LPP: variants seen among roughly 807,000 people sequenced by gnomAD.
LPP encodes the protein LIM domain containing preferred translocation partner in lipoma, also known as lipoma-preferred partner.
Under a neutral mutation model 60.4 loss-of-function variants are expected in LPP, and 38 were observed. The observed-to-expected ratio is 0.63, with a 90% CI of 0.49 to 0.83. LPP has a LOEUF of 0.83. LPP is among the 40% of genes least tolerant of loss of function. The pLI, the probability that LPP is intolerant of heterozygous loss-of-function variation, is 0.00. For synonymous variants in LPP, 328 were observed against 290.8 expected (o/e 1.13, Z -1.30); for missense variants, 902 against 783.6 (o/e 1.15, Z -1.80).
intron 5 of LPP, among the ~76,000 whole-genome samples, chr3:188,504,586 C>T (rs1353733826): frequency 6.6e-6 from 1 of 152,118 alleles, no homozygotes; most frequent in Non-Finnish European, 1.5e-5. Flanking sequence ...CCAAGGTTTA[C>T]TGTTACCGTT....
chr3:188,840,797 T>C (rs761296533), intron 9 of LPP, among the ~76,000 whole-genome samples: 1 of 152,216 alleles, frequency 6.6e-6, no homozygotes, highest in Non-Finnish European at 1.5e-5. Flanking sequence ...TTGCCCATCA[T>C]GTGAAATTAC....
intron 7 of LPP, among the ~76,000 whole-genome samples, chr3:188,677,947 A>G (rs1237230177): frequency 6.6e-6 from 1 of 152,090 alleles, no homozygotes; most frequent in African/African-American, 2.4e-5. Context: ...CTTGAAATCA[A>G]ACTGTAGCCC....
At chr3:188,715,938 A>G (rs1713791457) in intron 8 of LPP, among the ~76,000 whole-genome samples, 1 of 152,204 alleles carries the variant, frequency 6.6e-6, no homozygotes, top group Admixed American at 6.5e-5. Context: ...CTGACAGTAG[A>G]TTTTTAAGCA....
intron 1 of LPP, among the ~76,000 whole-genome samples, chr3:188,196,929 G>T (rs138115206): frequency 5.3e-5 from 8 of 152,192 alleles, no homozygotes; most frequent in African/African-American, 1.9e-4. Context: ...TACCACCTCT[G>T]CCTGGAATAC....
At chr3:188,201,934 G>A (rs1170435147) in intron 1 of LPP, among the ~76,000 whole-genome samples, 1 of 151,876 alleles carries the variant, frequency 6.6e-6, no homozygotes, top group Non-Finnish European at 1.5e-5. Flanking sequence ...TGTTGGGAGT[G>A]GAAGGATAGC....
rs183429228 is a variant in LPP at position 188,254,596 on chromosome 3, G to A, written c.-67+29069G>A. 3.3e-4 allele frequency among the ~76,000 whole-genome samples: 51 copies of A among 152,294 alleles called. 1 individual carries two copies. The South Asian group carries it at 7.9e-3, about 24-fold the overall frequency. ...AGAAATGGAATTGTTTGTTAGAGTC[G>A]TTGCATGGTGAAGGAAAAATCAGAG... On this transcript the variant is annotated intron_variant, in intron 2 of 11. Coordinates refer to ENST00000617246, the MANE Select transcript of LPP (RefSeq NM_001375462.1).
chr3:188,199,313 T>C (rs1347657907), intron 1 of LPP, among the ~76,000 whole-genome samples: 1 of 152,064 alleles, frequency 6.6e-6, no homozygotes, highest in African/African-American at 2.4e-5. Context: ...CCCAACTCGC[T>C]TAGATTCAAG....
In LPP at chr3:188,379,296, T is replaced by G. The variant is rs138672321; in HGVS notation, c.-9-26816T>G. 1.0e-3 allele frequency among the ~76,000 whole-genome samples: 153 copies of G among 152,208 alleles called. 1 individual carries two copies. Among genetic ancestry groups the G allele is most frequent in the Middle Eastern group, 6.8e-3 (2 of 294 alleles). ...GATACAAATGACATTCTGAGGGGGC[T>G]TGGTGGAAGTAGTTTAACCCTGATA... On this transcript the variant is annotated intron_variant, in intron 3 of 11. Transcript: ENST00000617246.
At chr3:188,637,309 A>G (rs753193841) in intron 7 of LPP, among the ~76,000 whole-genome samples, 1 of 152,194 alleles carries the variant, frequency 6.6e-6, no homozygotes, top group Non-Finnish European at 1.5e-5. Flanking sequence ...TGTTCTTTGA[A>G]ACCAATGAGA....
intron 6 of LPP, among the ~76,000 whole-genome samples, chr3:188,597,303 A>G (rs917314854): frequency 1.3e-5 from 2 of 152,162 alleles, no homozygotes; most frequent in Non-Finnish European, 2.9e-5. Flanking sequence ...TCTGTTAAAA[A>G]TTATTCCCCA....
At chr3:188,728,072 G>T (rs187422906) in intron 8 of LPP, among the ~76,000 whole-genome samples, 1 of 152,006 alleles carries the variant, frequency 6.6e-6, no homozygotes, top group South Asian at 2.1e-4. Context: ...AGAATCACCT[G>T]GGGGAGCTTT....
intron 1 of LPP, among the ~76,000 whole-genome samples, chr3:188,168,110 G>T (rs537160053): frequency 6.6e-6 from 1 of 152,310 alleles, no homozygotes; most frequent in East Asian, 1.9e-4. Context: ...TTATTTATTT[G>T]TGCATTCATT....
intron 4 of LPP, among the ~76,000 whole-genome samples, chr3:188,421,808 A>G (rs957780431): frequency 2.0e-5 from 3 of 152,136 alleles, no homozygotes; most frequent in African/African-American, 4.8e-5. Context: ...TGCCAACTTG[A>G]TTTTATTATA....
At chr3:188,563,716 G>GT (rs369454193) in intron 6 of LPP, among the ~76,000 whole-genome samples, 5,308 of 107,964 alleles carry the variant, frequency 0.049, 130 homozygotes, top group Middle Eastern at 0.11. Context: ...GGAATTGCTT[G>GT]TGTTTTTTTT....
At chr3:188,456,238 T>C (rs982937461) in intron 4 of LPP, among the ~76,000 whole-genome samples, 1 of 152,174 alleles carries the variant, frequency 6.6e-6, no homozygotes, top group Admixed American at 6.6e-5. Flanking sequence ...ATAAAGATTA[T>C]TGGGGGAAAC....
chr3:188,592,563 TAAATGGA>T (rs1839114057), intron 6 of LPP, among the ~76,000 whole-genome samples: 6 of 77,176 alleles, frequency 7.8e-5, no homozygotes, highest in African/African-American at 2.8e-4. Context: ...TTTTGTTTTT[TAAATGGA>T]GTCTCACTCT....
intron 4 of LPP, among the ~76,000 whole-genome samples, chr3:188,414,930 C>T (rs888334977): frequency 7.2e-5 from 11 of 152,008 alleles, no homozygotes; most frequent in African/African-American, 1.4e-4. Flanking sequence ...CTAATATACC[C>T]GAACAAAGTG....
chr3:188,802,495 T>C (rs1747571771), intron 9 of LPP, among the ~76,000 whole-genome samples: 1 of 152,122 alleles, frequency 6.6e-6, no homozygotes, highest in South Asian at 2.1e-4. Flanking sequence ...AAATAATAGC[T>C]TTAATGGCTG....
rs1027648685 is a variant in LPP at position 188,763,566 on chromosome 3, AG to A, written c.1410+3285del. Reference sequence around the variant, plus strand: ...TAGTTATGATTAAACAGTTTGATTCAGTATAGCATTGTAATTCTCTTTAATC... The same window carrying A: ...TAGTTATGATTAAACAGTTTGATTCATATAGCATTGTAATTCTCTTTAATC... On this transcript the variant is annotated intron_variant, in intron 9 of 11. Transcript: ENST00000617246. Among the ~76,000 whole-genome samples, 8 of 152,130 alleles carry A rather than the reference AG, an allele frequency of 5.3e-5. No homozygotes were observed. In the South Asian group the frequency reaches 1.2e-3, roughly 24 times the overall value.
Sources: allele counts gnomAD v4.1 joint callset (sites outside exome capture counted in the v4.1 genomes callset), GRCh38; gene constraint gnomAD v4.1.1; transcripts MANE v1.5; gene names NCBI Gene and HGNC (gene_info 2026-07-23, HGNC 2026-07-21).